IGSF11: variants seen among roughly 807,000 people sequenced by gnomAD.
The protein encoded by IGSF11 is immunoglobulin superfamily member 11.
IGSF11 carries 22 observed loss-of-function variants against 41.0 expected under a neutral mutation model. The observed-to-expected ratio is 0.54, with a 90% CI of 0.38 to 0.77. The LOEUF (loss-of-function observed/expected upper bound fraction) is 0.77, where lower values mean the gene tolerates loss of function less well. IGSF11 is among the 30% of genes least tolerant of loss of function. The pLI is 0.00. For missense variants in IGSF11, 444 were observed against 530.8 expected, an observed-to-expected ratio of 0.84 and a Z score of 1.61; for synonymous variants, 219 against 201.3, an observed-to-expected ratio of 1.09 and a Z score of -0.74.
chr3:119,104,105 T>C (rs373711556), intron 1 of IGSF11, among the ~76,000 whole-genome samples: 33 of 152,194 alleles, frequency 2.2e-4, no homozygotes, highest in African/African-American at 5.8e-4. Flanking sequence ...ATTTCTATAA[T>C]AAGGTCATCT....
intron 1 of IGSF11, among the ~76,000 whole-genome samples, chr3:118,961,034 G>A (rs577060199): frequency 3.9e-5 from 6 of 151,958 alleles, no homozygotes; most frequent in Non-Finnish European, 5.9e-5. Context: ...GATGACTCAT[G>A]GGCTTCAAGA....
At chr3:118,911,121 G>GCA (rs939688740) in intron 4 of IGSF11, among the ~76,000 whole-genome samples, 32 of 151,308 alleles carry the variant, frequency 2.1e-4, no homozygotes, top group African/African-American at 6.6e-4. Flanking sequence ...ATGTGTGTGT[G>GCA]CACACACACA....
intron 4 of IGSF11, among the ~76,000 whole-genome samples, chr3:118,923,491 T>C (rs2107520857): frequency 6.6e-6 from 1 of 152,342 alleles, no homozygotes. Flanking sequence ...TAGTTTATAT[T>C]GTTTCATCAA....
At chr3:119,085,323 G>A (rs1273784321) in intron 1 of IGSF11, among the ~76,000 whole-genome samples, 1 of 152,164 alleles carries the variant, frequency 6.6e-6, no homozygotes, top group Non-Finnish European at 1.5e-5. Flanking sequence ...CTAAGACCAA[G>A]CACTTAACAA....
At chr3:119,141,200 T>C (rs1466939777) in intron 1 of IGSF11, among the ~76,000 whole-genome samples, 1 of 151,178 alleles carries the variant, frequency 6.6e-6, no homozygotes, top group Non-Finnish European at 1.5e-5. Flanking sequence ...CAAAAGAAAT[T>C]AGAAAATACT....
At chr3:119,049,481 G>C (rs541320003) in intron 1 of IGSF11, among the ~76,000 whole-genome samples, 1 of 152,306 alleles carries the variant, frequency 6.6e-6, no homozygotes, top group East Asian at 1.9e-4. Context: ...ACAAACCGCT[G>C]TTCAAGGAAA....
chr3:118,990,511 G>C (rs1041852539), intron 1 of IGSF11, among the ~76,000 whole-genome samples: 36 of 152,156 alleles, frequency 2.4e-4, no homozygotes, highest in Admixed American at 2.0e-4. Flanking sequence ...CTGAGAGATA[G>C]GAGATAGACC....
At chr3:119,111,363 T>G (rs1160341095) in intron 1 of IGSF11, among the ~76,000 whole-genome samples, 1 of 152,232 alleles carries the variant, frequency 6.6e-6, no homozygotes, top group Non-Finnish European at 1.5e-5. Context: ...ACTGATACCC[T>G]TTCTTCCAGT....
At chr3:118,908,053 AGTGGT>A (rs987312303) in intron 4 of IGSF11, among the ~76,000 whole-genome samples, 3 of 152,074 alleles carry the variant, frequency 2.0e-5, no homozygotes, top group African/African-American at 7.2e-5. Flanking sequence ...TGTTGTTGGT[AGTGGT>A]GGTGGTGGGT....
chr3:118,930,171 T>C lies in IGSF11; in HGVS notation c.157A>G (p.Ile53Val), dbSNP rs151070707. 324 of 1,614,060 alleles carry C rather than the reference T, an allele frequency of 2.0e-4. No individual in the cohort carries two copies. The African/African-American group carries it at 2.4e-3, about 12-fold the overall frequency. The part of the protein sequence containing the change: ...PCTFTTSAAL[I>V]NLNVIWMVTP... ...ACCATCCAAATGACATTGAGGTTAA[T>C]GAGGGCAGCGCTGGTAGTGAAAGTG... The change falls in exon 2 of 7, where the codon ATT (isoleucine) becomes GTT (valine). Residue 53 changes from isoleucine (I) to valine (V), a missense_variant. Ile to Val is a conservative substitution (Grantham distance 29). Coordinates refer to ENST00000393775, the MANE Select transcript of IGSF11 (RefSeq NM_001015887.3).
intron 4 of IGSF11, among the ~76,000 whole-genome samples, chr3:118,925,109 G>T (rs1242457170): frequency 6.6e-6 from 1 of 152,040 alleles, no homozygotes; most frequent in Non-Finnish European, 1.5e-5. Context: ...TTTAAATGAT[G>T]AATTTGAGGC....
intron 1 of IGSF11, among the ~76,000 whole-genome samples, chr3:119,114,846 T>C (rs916397975): frequency 2.6e-5 from 4 of 152,220 alleles, no homozygotes; most frequent in African/African-American, 9.6e-5. Context: ...GGGTAATTTA[T>C]AGAGAGGTTT....
rs375719181 is a variant in IGSF11, at chr3:118,905,222, A to G, written c.703+374T>C. On this transcript the variant is annotated intron_variant, in intron 5 of 6. Transcript: ENST00000393775. ...TCTCAACTAAAGAGAAGTTTTCTAC[A>G]CTGCCATTTATAACCTAGACACCCC... 2.6e-5 allele frequency among the ~76,000 whole-genome samples: 4 copies of G among 152,190 alleles called. No homozygotes were observed. The East Asian group carries it at 5.8e-4, about 22-fold the overall frequency.
Position 119,048,850 on chromosome 3 carries a change from A to T in IGSF11, c.49+56294T>A, listed in dbSNP as rs1303108749. On this transcript the variant is annotated intron_variant, in intron 1 of 6. Coordinates refer to the IGSF11 transcript ENST00000354673. Reference sequence around the variant, plus strand: ...ATGCAAGGCTGGTTCAATATATGCAAATCAGTAAATGTAATCCAGCATATA... The same window carrying T: ...ATGCAAGGCTGGTTCAATATATGCATATCAGTAAATGTAATCCAGCATATA... Among the ~76,000 whole-genome samples the T allele has an allele frequency of 6.5e-3, 995 of 152,072 alleles. 15 individuals carry two copies. Among genetic ancestry groups the T allele is most frequent in the African/African-American group, 0.023 (933 of 41,320 alleles).
chr3:119,053,717 T>G (rs758872408), intron 1 of IGSF11, among the ~76,000 whole-genome samples: 20 of 152,132 alleles, frequency 1.3e-4, no homozygotes, highest in Non-Finnish European at 2.4e-4. Flanking sequence ...AAAGCAAGAC[T>G]AAGCAAAAAG....
At chr3:118,928,007 T>C (rs1387985596) in intron 3 of IGSF11, among the ~76,000 whole-genome samples, 1 of 152,180 alleles carries the variant, frequency 6.6e-6, no homozygotes, top group Non-Finnish European at 1.5e-5. Flanking sequence ...ATATGATTTA[T>C]TCTTCAAACA....
intron 1 of IGSF11, chr3:118,949,324 GA>G (rs61410871): frequency 0.78 from 86,752 of 111,584 alleles, 32,753 homozygotes; most frequent in African/African-American, 0.9. Flanking sequence ...GCCACCTGAG[GA>G]AAAAAAAAAA....
At chr3:119,010,544 A>G (rs957906444) in intron 1 of IGSF11, among the ~76,000 whole-genome samples, 3 of 152,210 alleles carry the variant, frequency 2.0e-5, no homozygotes, top group Non-Finnish European at 2.9e-5. Flanking sequence ...AATAAAAACA[A>G]AAGGCAGAGG....
chr3:119,034,941 C>T (rs569246200), upstream of IGSF11: 52 of 697,660 alleles, frequency 7.5e-5, 1 homozygote, highest in South Asian at 3.0e-3. Flanking sequence ...CGCCCACTCG[C>T]CCCGCTTGGT....
Sources: allele counts gnomAD v4.1 joint callset (sites outside exome capture counted in the v4.1 genomes callset), GRCh38; gene constraint gnomAD v4.1.1; transcripts MANE v1.5; gene names NCBI Gene and HGNC (gene_info 2026-07-23, HGNC 2026-07-21).